The following NFIB variants were observed in gnomAD, a reference collection of about 807,000 sequenced individuals.
NFIB encodes the protein nuclear factor I B, also known as nuclear factor 1 B-type.
In NFIB, 11 loss-of-function variants were observed where a neutral mutation model predicts 61.5. The ratio of observed to expected loss-of-function variants is 0.18; its 90% CI spans 0.11 to 0.30. The LOEUF (loss-of-function observed/expected upper bound fraction) is 0.30. NFIB is among the 10% of genes least tolerant of loss of function. NFIB has a pLI of 1.00. For synonymous variants in NFIB, 260 were observed against 216.5 expected (o/e 1.20, Z -1.76); for missense variants, 471 against 608.9 (o/e 0.77, Z 2.38).
chr9:14,296,944 G>A (rs1332035795), intron 2 of NFIB, among the ~76,000 whole-genome samples: 1 of 152,178 alleles, frequency 6.6e-6, no homozygotes, highest in Non-Finnish European at 1.5e-5. Flanking sequence ...AGTAATTCCT[G>A]CAAGATCTAA....
At chr9:14,511,434 TTCATAA>T in the NFIB span, among the ~76,000 whole-genome samples, 2 of 152,206 alleles carry the variant, frequency 1.3e-5, no homozygotes, top group Non-Finnish European at 2.9e-5. Context: ...AATTTATTTT[TTCATAA>T]TCATAATGGC....
At chr9:14,373,730 T>A (rs910851567) in intron 1 of NFIB, among the ~76,000 whole-genome samples, 4 of 151,476 alleles carry the variant, frequency 2.6e-5, no homozygotes, top group African/African-American at 4.9e-5. Context: ...ACACCTGAAG[T>A]TCATATTTTG....
chr9:14,399,530 T>C (rs2061721599), upstream of NFIB, among the ~76,000 whole-genome samples: 1 of 152,164 alleles, frequency 6.6e-6, no homozygotes. Context: ...AAATAAAAAA[T>C]TACAAATACC....
chr9:14,174,516 C>A (rs923188413), intron 3 of NFIB, among the ~76,000 whole-genome samples: 2 of 151,874 alleles, frequency 1.3e-5, no homozygotes, highest in African/African-American at 4.8e-5. Flanking sequence ...GCCTGTAATC[C>A]CAGCACTTTG....
the NFIB span, among the ~76,000 whole-genome samples, chr9:14,476,306 T>TA: frequency 4.0e-5 from 6 of 151,804 alleles, no homozygotes; most frequent in East Asian, 1.9e-4. Flanking sequence ...TTAGTTTATC[T>TA]AAAAAAATGT....
chr9:14,463,659 CTTTTTT>C, the NFIB span, among the ~76,000 whole-genome samples: 2 of 65,824 alleles, frequency 3.0e-5, no homozygotes, highest in Admixed American at 2.3e-4. Context: ...ATTTGATTTT[CTTTTTT>C]TTTTTTTTTT....
chr9:14,193,572 G>A (rs2048178207), intron 2 of NFIB, among the ~76,000 whole-genome samples: 1 of 152,090 alleles, frequency 6.6e-6, no homozygotes, highest in South Asian at 2.1e-4. Flanking sequence ...TGGACATGAG[G>A]CATTTTACAT....
chr9:14,134,499 T>G lies in NFIB; in HGVS notation c.926-8733A>C, dbSNP rs548649515. On this transcript the variant is annotated intron_variant, in intron 6 of 10. Coordinates refer to ENST00000380953, the MANE Select transcript of NFIB (RefSeq NM_001190737.2). ...GCAGTGATGTTCACTGTATCTCTCT[T>G]TATAATACAAAAACTCCAAAACTAT... is the stretch of plus-strand genomic sequence containing the variant. Among the ~76,000 whole-genome samples, 7 of 152,246 alleles carry G rather than the reference T, an allele frequency of 4.6e-5. No individual in the cohort carries two copies. In the East Asian group the frequency reaches 1.4e-3, roughly 29 times the overall value.
At chr9:14,483,185 G>C in the NFIB span, among the ~76,000 whole-genome samples, 2 of 152,208 alleles carry the variant, frequency 1.3e-5, no homozygotes, top group South Asian at 2.1e-4. Flanking sequence ...GTTTCTAAAA[G>C]AAAGACTCAA....
chr9:14,122,060 C>T (rs12340320), intron 7 of NFIB, among the ~76,000 whole-genome samples: 3,254 of 151,446 alleles, frequency 0.021, 92 homozygotes, highest in South Asian at 0.072. Context: ...AAATTATAAA[C>T]GATAAATGTC....
chr9:14,489,009 A>G, the NFIB span, among the ~76,000 whole-genome samples: 1 of 152,274 alleles, frequency 6.6e-6, no homozygotes. Flanking sequence ...AATTGTGGTA[A>G]GGCATAAACA....
chr9:14,299,435 T>C (rs942446218), intron 2 of NFIB, among the ~76,000 whole-genome samples: 4 of 152,230 alleles, frequency 2.6e-5, no homozygotes, highest in Admixed American at 6.5e-5. Context: ...TTTTGAGAAA[T>C]AGACTATTTT....
At chr9:14,322,545 C>T (rs914990332) in intron 1 of NFIB, among the ~76,000 whole-genome samples, 2 of 152,104 alleles carry the variant, frequency 1.3e-5, no homozygotes, top group Non-Finnish European at 2.9e-5. Flanking sequence ...CTGCAGTCGC[C>T]TCCCTGGCTT....
chr9:14,260,310 G>A (rs966399132), intron 2 of NFIB, among the ~76,000 whole-genome samples: 2 of 152,210 alleles, frequency 1.3e-5, no homozygotes, highest in Non-Finnish European at 2.9e-5. Context: ...ATGTATAAAT[G>A]CAGAGGCCCA....
At chr9:14,306,919 C>T (rs973474124) in intron 2 of NFIB, 70 bp downstream of exon 2, 2 of 1,569,438 alleles carry the variant, frequency 1.3e-6, no homozygotes, top group Admixed American at 1.7e-5. Context: ...TAACTCAAGC[C>T]AGATACTCTG....
intron 1 of NFIB, among the ~76,000 whole-genome samples, chr9:14,386,083 A>C (rs1052542875): frequency 1.4e-4 from 21 of 152,182 alleles, no homozygotes; most frequent in Non-Finnish European, 2.6e-4. Context: ...ACACTCGGTG[A>C]CACGGTGGAA....
the NFIB span, among the ~76,000 whole-genome samples, chr9:14,434,582 C>G: frequency 6.6e-6 from 1 of 152,142 alleles, no homozygotes; most frequent in African/African-American, 2.4e-5. Context: ...ACTCATTGAT[C>G]CTTGAAGCTA....
intron 10 of NFIB, among the ~76,000 whole-genome samples, chr9:14,095,644 A>T (rs930120171): frequency 8.5e-5 from 13 of 152,184 alleles, no homozygotes; most frequent in Admixed American, 5.2e-4. Context: ...TAAATCAAAT[A>T]GAAATATAAG....
intron 1 of NFIB, among the ~76,000 whole-genome samples, chr9:14,308,687 G>T (rs1273890612): frequency 6.6e-6 from 1 of 152,068 alleles, no homozygotes; most frequent in East Asian, 1.9e-4. Flanking sequence ...AGAACTGTGG[G>T]TGCATATATG....
Sources: gnomAD v4.1 joint callset for allele counts (sites outside exome capture counted in the v4.1 genomes callset) on GRCh38, gnomAD v4.1.1 for gene constraint, MANE v1.5 for transcripts, NCBI Gene and HGNC (gene_info 2026-07-23, HGNC 2026-07-21) for gene names.